Variants in MAGI1 observed in about 807,000 individuals in gnomAD.
MAGI1 encodes the protein membrane-associated guanylate kinase, WW and PDZ domain-containing protein 1.
Under a neutral mutation model 139.9 loss-of-function variants are expected in MAGI1, and 58 were observed. The observed-to-expected ratio is 0.41, with a 90% CI of 0.34 to 0.52. The LOEUF is 0.52. MAGI1 is among the 20% of genes least tolerant of loss of function. The pLI is 0.12. For synonymous variants in MAGI1, 812 were observed against 737.9 expected, an observed-to-expected ratio of 1.10 and a Z score of -1.63; for missense variants, 1,874 against 1,901.6, an observed-to-expected ratio of 0.99 and a Z score of 0.27.
intron 16 of MAGI1, among the ~76,000 whole-genome samples, chr3:65,380,148 C>G (rs988803491): frequency 2.6e-5 from 4 of 152,202 alleles, no homozygotes; most frequent in African/African-American, 9.7e-5. Context: ...ACTCTGATCA[C>G]AGAACTGGAT....
At chr3:65,706,454 G>A (rs2030307186) in intron 1 of MAGI1, among the ~76,000 whole-genome samples, 1 of 152,252 alleles carries the variant, frequency 6.6e-6, no homozygotes, top group African/African-American at 2.4e-5. Context: ...ACAAATGTGC[G>A]CCCAGCACCT....
At chr3:65,830,440 T>C (rs915050381) in intron 1 of MAGI1, among the ~76,000 whole-genome samples, 7 of 152,130 alleles carry the variant, frequency 4.6e-5, no homozygotes, top group African/African-American at 1.4e-4. Context: ...AACCAATGAT[T>C]GGTTCAACCA....
chr3:65,859,736 A>G (rs911103485), intron 1 of MAGI1, among the ~76,000 whole-genome samples: 5 of 151,812 alleles, frequency 3.3e-5, no homozygotes, highest in African/African-American at 1.2e-4. Context: ...AACAAAAAAA[A>G]AAAACTTTAA....
At chr3:65,487,942 A>G (rs913894037) in intron 3 of MAGI1, among the ~76,000 whole-genome samples, 6 of 152,346 alleles carry the variant, frequency 3.9e-5, no homozygotes, top group East Asian at 3.9e-4. Context: ...TTTATGTTGA[A>G]TTAAAGTTAA....
chr3:65,694,774 T>C (rs1230097806), intron 1 of MAGI1, among the ~76,000 whole-genome samples: 2 of 152,220 alleles, frequency 1.3e-5, no homozygotes, highest in Non-Finnish European at 2.9e-5. Flanking sequence ...AAAACAAATT[T>C]ACTAAAAGGC....
chr3:65,846,937 G>A (rs1490861408), intron 1 of MAGI1, among the ~76,000 whole-genome samples: 1 of 103,914 alleles, frequency 9.6e-6, no homozygotes, highest in South Asian at 3.3e-4. Context: ...AAGAAACATT[G>A]ACTTGTCCTT....
chr3:65,412,560 A>G (rs1364308167), intron 12 of MAGI1, among the ~76,000 whole-genome samples: 1 of 152,206 alleles, frequency 6.6e-6, no homozygotes, highest in African/African-American at 2.4e-5. Flanking sequence ...GTATCTGGTC[A>G]ACAGTTCAAT....
At chr3:65,899,020 C>T (rs556552692) in intron 1 of MAGI1, among the ~76,000 whole-genome samples, 2 of 152,258 alleles carry the variant, frequency 1.3e-5, no homozygotes, top group African/African-American at 4.8e-5. Context: ...TTCCCAGGCT[C>T]GGGTGATCCT....
intron 1 of MAGI1, among the ~76,000 whole-genome samples, chr3:65,991,439 G>A (rs1014157383): frequency 6.6e-6 from 1 of 151,882 alleles, no homozygotes; most frequent in African/African-American, 2.4e-5. Context: ...CTTCCTCAAT[G>A]GTACTATGAA....
chr3:65,965,985 G>C (rs2064720260), intron 1 of MAGI1, among the ~76,000 whole-genome samples: 1 of 152,104 alleles, frequency 6.6e-6, no homozygotes, highest in Non-Finnish European at 1.5e-5. Flanking sequence ...CTTACTATGG[G>C]TTACTTCTCA....
chr3:65,429,383 T>G, intron 12 of MAGI1, 137 bp downstream of exon 12: 3 of 874,872 alleles, frequency 3.4e-6, no homozygotes, highest in Non-Finnish European at 5.2e-6. Context: ...AAGAGGTTAG[T>G]ATTTGGAGAA....
chr3:65,425,310 C>A (rs1209283254), intron 12 of MAGI1, among the ~76,000 whole-genome samples: 1 of 152,040 alleles, frequency 6.6e-6, no homozygotes, highest in Non-Finnish European at 1.5e-5. Flanking sequence ...GTACATCATG[C>A]CCATTTTTTT....
intron 1 of MAGI1, among the ~76,000 whole-genome samples, chr3:65,886,391 T>G (rs1319017549): frequency 1.3e-5 from 2 of 152,224 alleles, no homozygotes; most frequent in East Asian, 3.8e-4. Flanking sequence ...CTCAAGATTC[T>G]CTTTTTAAAA....
chr3:65,481,590 T>C (rs1951295711), intron 3 of MAGI1, among the ~76,000 whole-genome samples: 1 of 152,236 alleles, frequency 6.6e-6, no homozygotes, highest in South Asian at 2.1e-4. Flanking sequence ...CCAATGTCTA[T>C]AAATAAGAAA....
At chr3:65,761,180 G>A (rs1399150404) in intron 1 of MAGI1, among the ~76,000 whole-genome samples, 1 of 152,040 alleles carries the variant, frequency 6.6e-6, no homozygotes, top group East Asian at 1.9e-4. Context: ...TTTCCAGAGC[G>A]CCCTGGGATG....
At chr3:65,687,050 C>T (rs2088108704) in intron 1 of MAGI1, among the ~76,000 whole-genome samples, 1 of 152,140 alleles carries the variant, frequency 6.6e-6, no homozygotes, top group East Asian at 1.9e-4. Context: ...TCTTGCTACT[C>T]AAAACGTGGT....
intron 1 of MAGI1, among the ~76,000 whole-genome samples, chr3:65,707,686 T>G (rs1347688974): frequency 9.6e-6 from 1 of 103,820 alleles, no homozygotes; most frequent in East Asian, 2.6e-4. Context: ...TGATACCCTA[T>G]CTCAAAAAAA....
At chr3:65,874,854 CA>C (rs2060059485) in intron 1 of MAGI1, 1 of 152,540 alleles carries the variant, frequency 6.6e-6, no homozygotes, top group Admixed American at 6.5e-5. Flanking sequence ...AGGAACAACC[CA>C]AATGTCCTTC....
chr3:65,457,478 A>G (rs958798114), intron 5 of MAGI1, among the ~76,000 whole-genome samples: 2 of 152,200 alleles, frequency 1.3e-5, no homozygotes, highest in African/African-American at 4.8e-5. Context: ...TCCATTTATA[A>G]GGAACTTCTT....
Sources: allele counts gnomAD v4.1 joint callset (sites outside exome capture counted in the v4.1 genomes callset), GRCh38; gene constraint gnomAD v4.1.1; transcripts MANE v1.5; gene names NCBI Gene and HGNC (gene_info 2026-07-23, HGNC 2026-07-21).